COG5: variants seen among roughly 807,000 people sequenced by gnomAD.
COG5 encodes component of oligomeric golgi complex 5.
In COG5, 86 loss-of-function variants were observed where a neutral mutation model predicts 110.4. That is an observed-to-expected ratio of 0.78 (90% CI 0.65 to 0.93). The LOEUF (loss-of-function observed/expected upper bound fraction) is 0.93, where lower values mean the gene tolerates loss of function less well. Among genes scored for constraint, COG5 ranks in the 40% least tolerant of loss-of-function variants. The pLI, the probability that COG5 is intolerant of heterozygous loss-of-function variation, is 0.00. For synonymous variants in COG5, 360 were observed against 334.6 expected (o/e 1.08, Z -0.83); for missense variants, 1,077 against 987.0 (o/e 1.09, Z -1.22).
chr7:107,412,423 C>A (rs1792368291), intron 7 of COG5, 79 bp downstream of exon 7: 1 of 1,398,830 alleles, frequency 7.1e-7, no homozygotes, highest in African/African-American at 1.4e-5. Flanking sequence ...ACATATATTA[C>A]TTTTTTGAAC....
chr7:107,289,217 A>G (rs1805954624), intron 12 of COG5, among the ~76,000 whole-genome samples: 1 of 151,856 alleles, frequency 6.6e-6, no homozygotes, highest in Non-Finnish European at 1.5e-5. Flanking sequence ...GCACCACTTC[A>G]TTATTTTGCA....
chr7:107,233,798 G>A (rs1376617443), intron 18 of COG5, among the ~76,000 whole-genome samples: 1 of 152,170 alleles, frequency 6.6e-6, no homozygotes, highest in African/African-American at 2.4e-5. Context: ...TGCCTGTCAT[G>A]AATATAAATG....
rs994216931 is a variant in COG5 at position 107,495,132 on chromosome 7, A to C, written c.538+32105T>G. Among the ~76,000 whole-genome samples the C allele has an allele frequency of 3.3e-5, 5 of 152,196 alleles. No homozygotes were observed. In the South Asian group the frequency reaches 1.0e-3, roughly 31 times the overall value. On this transcript the variant is annotated intron_variant, in intron 6 of 21. Coordinates refer to ENST00000297135, the MANE Select transcript of COG5 (RefSeq NM_006348.5). Reference sequence around the variant, plus strand: ...AGCATTCCCTAAACAGTGCACAGCTATAATGGCAGAAAGCTGGGGCCTTAC... The same window carrying C: ...AGCATTCCCTAAACAGTGCACAGCTCTAATGGCAGAAAGCTGGGGCCTTAC...
intron 6 of COG5, among the ~76,000 whole-genome samples, chr7:107,484,633 G>A (rs1797548742): frequency 6.6e-6 from 1 of 152,092 alleles, no homozygotes. Flanking sequence ...AGTCTCACAT[G>A]GTTGTTTCTT....
At position 107,299,826 on chromosome 7, in the gene COG5, C is replaced by CATATATATATATAT. The variant is rs71856513; in HGVS notation, c.1109-1494_1109-1481dup. ...ATCTATGTCAGAAATTCATAGTTGG[C>CATATATATATATAT]ATATATATATATATATATATATATA... On this transcript the variant is annotated intron_variant, in intron 11 of 21. Coordinates refer to ENST00000297135, the MANE Select transcript of COG5 (RefSeq NM_006348.5). Among the ~76,000 whole-genome samples, 348 of 103,134 alleles carry CATATATATATATAT rather than the reference C, an allele frequency of 3.4e-3. 3 individuals carry two copies. Among genetic ancestry groups the CATATATATATATAT allele is most frequent in the Middle Eastern group, 6.3e-3 (1 of 160 alleles). 67.7% of individuals were successfully genotyped at this position (103,134 alleles called of 152,430 possible). A position where few individuals can be genotyped will look rare whatever the true frequency, so the allele number is the denominator to read the frequency against.
chr7:107,559,077 A>G (rs2129180401), intron 1 of COG5, among the ~76,000 whole-genome samples: 1 of 152,122 alleles, frequency 6.6e-6, no homozygotes, highest in East Asian at 1.9e-4. Flanking sequence ...ATACACAAAT[A>G]CTGTTATAGC....
chr7:107,336,366 T>A (rs1810699085), intron 10 of COG5, among the ~76,000 whole-genome samples: 1 of 152,082 alleles, frequency 6.6e-6, no homozygotes, highest in Admixed American at 6.5e-5. Context: ...GTGAGTAGAC[T>A]GGTGGTTACC....
intron 19 of COG5, among the ~76,000 whole-genome samples, chr7:107,222,623 G>A (rs79591846): frequency 0.032 from 4,826 of 152,158 alleles, 246 homozygotes; most frequent in African/African-American, 0.11. Context: ...TTTTGTTTTG[G>A]GTGCTTGTTT....
At chr7:107,392,069 C>A (rs1389371751) in intron 7 of COG5, among the ~76,000 whole-genome samples, 1 of 152,140 alleles carries the variant, frequency 6.6e-6, no homozygotes, top group Non-Finnish European at 1.5e-5. Flanking sequence ...CCAGCCTGGG[C>A]AGCACAGCGA....
intron 7 of COG5, among the ~76,000 whole-genome samples, chr7:107,392,547 A>T (rs1790697528): frequency 2.0e-5 from 3 of 152,174 alleles, no homozygotes; most frequent in Admixed American, 1.3e-4. Flanking sequence ...CCTATTTTTT[A>T]GAAAAATTGG....
At position 107,504,704 on chromosome 7, in the gene COG5, T is replaced by C. The variant is rs1369516384; in HGVS notation, c.538+22533A>G. Among the ~76,000 whole-genome samples, 4 of 152,194 alleles carry C rather than the reference T, an allele frequency of 2.6e-5. No homozygotes were observed. In the East Asian group the frequency reaches 7.7e-4, roughly 29 times the overall value. ...TTGTTATTGGTCTGCTCAGGGTTTC[T>C]ATTTCTTCCGGATTTAATCTAGGAG... On this transcript the variant is annotated intron_variant, in intron 6 of 21. Transcript: ENST00000297135.
chr7:107,516,659 G>A (rs1799945002), intron 6 of COG5, among the ~76,000 whole-genome samples: 1 of 152,190 alleles, frequency 6.6e-6, no homozygotes, highest in African/African-American at 2.4e-5. Flanking sequence ...AGCTTCCAGA[G>A]GAAGGAGCAG....
chr7:107,214,951 A>C (rs1424290358), intron 19 of COG5, among the ~76,000 whole-genome samples: 1 of 152,084 alleles, frequency 6.6e-6, no homozygotes, highest in African/African-American at 2.4e-5. Context: ...AGAAAACAAA[A>C]GTATAGCCCA....
intron 2 of COG5, among the ~76,000 whole-genome samples, chr7:107,556,316 G>T (rs193281722): frequency 1.3e-5 from 2 of 152,208 alleles, no homozygotes; most frequent in East Asian, 3.9e-4. Flanking sequence ...TCTAGTTCCT[G>T]CACTAAACCC....
intron 6 of COG5, among the ~76,000 whole-genome samples, chr7:107,429,800 T>C (rs990885906): frequency 3.9e-5 from 6 of 152,184 alleles, no homozygotes; most frequent in African/African-American, 1.4e-4. Flanking sequence ...TCTTCTCTCA[T>C]CTGCTGCCAT....
chr7:107,493,708 C>T (rs903983760), intron 6 of COG5, among the ~76,000 whole-genome samples: 3 of 152,112 alleles, frequency 2.0e-5, no homozygotes, highest in Non-Finnish European at 4.4e-5. Context: ...AGAAACAAGA[C>T]CGAACTTAAA....
intron 11 of COG5, among the ~76,000 whole-genome samples, chr7:107,323,526 G>A (rs142333822): frequency 6.6e-5 from 10 of 152,208 alleles, no homozygotes; most frequent in East Asian, 1.9e-4. Context: ...GCAAGACTCC[G>A]TCTGGAAAAA....
intron 10 of COG5, among the ~76,000 whole-genome samples, chr7:107,341,827 T>C (rs150265751): frequency 1.6e-3 from 244 of 152,324 alleles, no homozygotes; most frequent in African/African-American, 5.5e-3. Flanking sequence ...TGGTAAGCCA[T>C]AGGCAGAAGA....
chr7:107,426,240 T>C (rs1171887440), intron 6 of COG5, among the ~76,000 whole-genome samples: 2 of 152,224 alleles, frequency 1.3e-5, no homozygotes, highest in Non-Finnish European at 2.9e-5. Context: ...TATAAGAACC[T>C]GTATATTACT....
Sources: gnomAD v4.1 joint callset for allele counts (sites outside exome capture counted in the v4.1 genomes callset) on GRCh38, gnomAD v4.1.1 for gene constraint, MANE v1.5 for transcripts, NCBI Gene and HGNC (gene_info 2026-07-23, HGNC 2026-07-21) for gene names.